TVP23A: variants seen among roughly 807,000 people sequenced by gnomAD.
The protein encoded by TVP23A is Golgi apparatus membrane protein TVP23 homolog A.
A neutral mutation model predicts 31.7 loss-of-function variants in TVP23A; 21 were observed. The observed-to-expected ratio is 0.66, with a 90% CI of 0.47 to 0.95. TVP23A has a LOEUF of 0.95. Among genes scored for constraint, TVP23A ranks in the 40% least tolerant of loss-of-function variants. The pLI, the probability that TVP23A is intolerant of heterozygous loss-of-function variation, is 0.00. For missense variants in TVP23A, 279 were observed against 255.6 expected (o/e 1.09, Z -0.62); for synonymous variants, 104 against 96.0 (o/e 1.08, Z -0.49).
rs2031112348 is a variant in TVP23A at position 10,767,766 on chromosome 16, TG to T, written c.*1335del. On this transcript the variant is annotated 3_prime_UTR_variant, in exon 8 of 8. Coordinates refer to ENST00000299866, the MANE Select transcript of TVP23A (RefSeq NM_001079512.4). The surrounding 1 kb of genome is among the most constrained non-coding windows in gnomAD (Gnocchi z 4.6). The stretch of plus-strand genomic sequence containing the variant: ...TATTTAGCCACGCTGAAATGCTGGC[TG>T]GGGACCCTGCTGGAAGGAAGGTCCC... The T allele has an allele frequency of 6.6e-6, 4 of 602,052 alleles. No homozygotes were observed. The East Asian group carries it at 1.1e-4, about 17-fold the overall frequency. 37.3% of individuals were successfully genotyped at this position (602,052 alleles called of 1,614,324 possible).
At chr16:10,763,125 G>A (rs1016273367), downstream of TVP23A, among the ~76,000 whole-genome samples, 6 of 152,086 alleles carry the variant, frequency 3.9e-5, no homozygotes, top group Non-Finnish European at 7.4e-5. Flanking sequence ...CTCAGAGACA[G>A]TGAAGCAGGG....
At chr16:10,786,742 ATGACTGGGGATGGGCATTGGGAACG>A (rs1308094380) in intron 2 of TVP23A, among the ~76,000 whole-genome samples, 336 of 4,602 alleles carry the variant, frequency 0.073, 2 homozygotes, top group African/African-American at 0.18. Context: ...GAACCTGGTG[ATGACTGGGGATGGGCATTGGGAACG>A]TCAGGTTCAT....
Position 10,767,281 on chromosome 16 carries a change from T to A in TVP23A, c.*1821A>T. On this transcript the variant is annotated 3_prime_UTR_variant, in exon 8 of 8. Transcript: ENST00000299866. This position sits in a 1 kb window ranked among gnomAD's most constrained non-coding sequence, Gnocchi z 4.6. Reference sequence around the variant, plus strand: ...GTGTCCTGTCCACCTGGCTCTGGGATAACATGGTCCTAGAGAAACCTGGGT... The same window carrying A: ...GTGTCCTGTCCACCTGGCTCTGGGAAAACATGGTCCTAGAGAAACCTGGGT... 2.5e-6 allele frequency: 1 copy of A among 399,100 alleles called. No individual in the cohort carries two copies. Among genetic ancestry groups the A allele is most frequent in the Non-Finnish European group, 4.4e-6 (1 of 226,496 alleles). The allele number at this position is 399,100 out of a possible 1,614,324, so 24.7% of individuals were successfully genotyped here. A position where few individuals can be genotyped will look rare whatever the true frequency, so the allele number is the denominator to read the frequency against.
chr16:10,775,006 C>T lies in TVP23A; in HGVS notation c.180G>A (p.Val60=), dbSNP rs1243488124. The T allele has an allele frequency of 1.2e-6, 2 of 1,612,734 alleles. No homozygotes were observed. The highest frequency in any genetic ancestry group is 2.7e-5 in the African/African-American group (2 of 74,868). The change falls in exon 3 of 8, where the codon GTG becomes GTA. Residue 60 remains valine, a synonymous_variant. Transcript: ENST00000299866. Reference sequence around the variant, plus strand: ...GGAGCAGCACCATGACAAAACAGCCCACAAAGCTCTTGCTGAACCAGTCGC... The same window carrying T: ...GGAGCAGCACCATGACAAAACAGCCTACAAAGCTCTTGCTGAACCAGTCGC... ...VSCDWFSKSF[V]GCFVMVLLLL... is the part of the protein sequence containing the mutation.
chr16:10,778,874 G>C (rs939656414), intron 2 of TVP23A, among the ~76,000 whole-genome samples: 1 of 152,172 alleles, frequency 6.6e-6, no homozygotes, highest in Non-Finnish European at 1.5e-5. Context: ...GCTGAGGCAG[G>C]AGAATTGCTT....
At chr16:10,802,260 GTGTGTGTGTGTGTGTGTGTGTGTGTA>G (rs2033734251) in intron 2 of TVP23A, among the ~76,000 whole-genome samples, 1 of 136,042 alleles carries the variant, frequency 7.4e-6, no homozygotes, top group African/African-American at 3.4e-5. Flanking sequence ...GTGTGTGTGT[GTGTGTGTGTGTGTGTGTGTGTGTGTA>G]TATGTGTGTG....
chr16:10,787,157 T>C (rs2032809453), intron 2 of TVP23A, among the ~76,000 whole-genome samples: 2 of 152,170 alleles, frequency 1.3e-5, no homozygotes, highest in Admixed American at 6.5e-5. Context: ...ACGCTCCTGC[T>C]CCATGCTTGC....
chr16:10,813,366 G>A (rs1449695298), intron 2 of TVP23A, among the ~76,000 whole-genome samples: 1 of 152,160 alleles, frequency 6.6e-6, no homozygotes. Context: ...ACCTCCTTTC[G>A]ATGTCAGCCT....
At chr16:10,771,373 T>C (rs1321395749) in intron 6 of TVP23A, among the ~76,000 whole-genome samples, 7 of 150,884 alleles carry the variant, frequency 4.6e-5, no homozygotes, top group Admixed American at 6.6e-5. Context: ...AAACTTCGTC[T>C]CTACAAAAAA....
chr16:10,804,797 G>A, intron 2 of TVP23A, among the ~76,000 whole-genome samples: 1 of 152,148 alleles, frequency 6.6e-6, no homozygotes, highest in South Asian at 2.1e-4. Flanking sequence ...AACCAATTTA[G>A]TGAAGTGAAA....
chr16:10,777,115 G>A lies in TVP23A; in HGVS notation c.90-2019C>T, dbSNP rs940939776. Reference sequence around the variant, plus strand: ...CCCTATTCAAGATGGAGTTGCTCTGGTTCACACGCCTCTGACACAGTGATG... The same window carrying A: ...CCCTATTCAAGATGGAGTTGCTCTGATTCACACGCCTCTGACACAGTGATG... On this transcript the variant is annotated intron_variant, in intron 2 of 7. Coordinates refer to ENST00000299866, the MANE Select transcript of TVP23A (RefSeq NM_001079512.4). This position sits in a 1 kb window ranked among gnomAD's most constrained non-coding sequence, Gnocchi z 4.5. 3.9e-5 allele frequency among the ~76,000 whole-genome samples: 6 copies of A among 152,102 alleles called. No individual in the cohort carries two copies. Among genetic ancestry groups the A allele is most frequent in the Non-Finnish European group, 7.4e-5 (5 of 68,022 alleles).
At chr16:10,782,731 T>A (rs2032500920) in intron 2 of TVP23A, among the ~76,000 whole-genome samples, 1 of 152,180 alleles carries the variant, frequency 6.6e-6, no homozygotes, top group African/African-American at 2.4e-5. Flanking sequence ...CTCAAATTCC[T>A]GGGCTCAAGC....
At chr16:10,787,463 C>T (rs73497725) in intron 2 of TVP23A, among the ~76,000 whole-genome samples, 2,466 of 152,148 alleles carry the variant, frequency 0.016, 41 homozygotes, top group African/African-American at 0.043. Context: ...TTTCCAGTCA[C>T]GTGTACAGTA....
chr16:10,807,247 A>G (rs2033988645), intron 2 of TVP23A, among the ~76,000 whole-genome samples: 1 of 152,164 alleles, frequency 6.6e-6, no homozygotes, highest in African/African-American at 2.4e-5. Flanking sequence ...GTGCGTGGGT[A>G]CCAATTAGAG....
downstream of TVP23A, chr16:10,758,106 T>C: frequency 6.6e-7 from 1 of 1,515,842 alleles, no homozygotes; most frequent in Non-Finnish European, 9.0e-7. Flanking sequence ...GCTCTGATAC[T>C]CTGGTCTCAC....
At chr16:10,809,638 G>A (rs1166029182) in intron 2 of TVP23A, among the ~76,000 whole-genome samples, 1 of 152,220 alleles carries the variant, frequency 6.6e-6, no homozygotes, top group Non-Finnish European at 1.5e-5. Flanking sequence ...ATAGAGCTGA[G>A]GAAACATAGT....
Position 10,818,093 on chromosome 16 carries a change from C to A in TVP23A, c.89+10G>T. 6.2e-7 allele frequency: 1 copy of A among 1,604,270 alleles called. No homozygotes were observed. The highest frequency in any genetic ancestry group is 2.2e-5 in the East Asian group (1 of 44,682). Reference sequence around the variant, plus strand: ...GGGGAACGCCTGACCCAAGCTCCATCCCAACACACCTGATCTTGGCTTTCC... The same window carrying A: ...GGGGAACGCCTGACCCAAGCTCCATACCAACACACCTGATCTTGGCTTTCC... On this transcript the variant is annotated intron_variant, in intron 2 of 7. Coordinates refer to ENST00000299866, the MANE Select transcript of TVP23A (RefSeq NM_001079512.4). This position sits in a 1 kb window ranked among gnomAD's most constrained non-coding sequence, Gnocchi z 4.7.
At chr16:10,800,454 T>C (rs1252609974) in intron 2 of TVP23A, 1 of 152,230 alleles carries the variant, frequency 6.6e-6, no homozygotes, top group African/African-American at 2.4e-5. Flanking sequence ...ATGGTGTTTA[T>C]GTCCCACCTC....
exon 9 of TVP23A, chr16:10,761,408 C>T: frequency 6.2e-7 from 1 of 1,614,136 alleles, no homozygotes; most frequent in South Asian, 1.1e-5. Flanking sequence ...ACTTCTGCCG[C>T]AAGGTGAAGC....
Sources: allele counts gnomAD v4.1 joint callset (sites outside exome capture counted in the v4.1 genomes callset), GRCh38; gene constraint gnomAD v4.1.1; non-coding constraint Gnocchi (gnomAD v3.1); transcripts MANE v1.5; gene names NCBI Gene and HGNC (gene_info 2026-07-23, HGNC 2026-07-21).